Variants in TRAPPC8 observed in about 807,000 individuals in gnomAD.
The protein encoded by TRAPPC8 is trafficking protein particle complex subunit 8, also known as general sporulation gene 1 homolog.
A neutral mutation model predicts 174.3 loss-of-function variants in TRAPPC8; 54 were observed. The observed-to-expected ratio is 0.31, with a 90% CI of 0.25 to 0.39. The LOEUF is 0.39. TRAPPC8 is among the 10% of genes least tolerant of loss of function. The probability of loss-of-function intolerance (pLI) is 1.00; values close to 1 mark genes in which losing one functional copy is unlikely to be tolerated. For missense variants in TRAPPC8, 1,531 were observed against 1,699.1 expected, an observed-to-expected ratio of 0.90 and a Z score of 1.74; for synonymous variants, 630 against 579.9, an observed-to-expected ratio of 1.09 and a Z score of -1.24.
At chr18:31,932,158 G>A (rs1463810360) in intron 1 of TRAPPC8, among the ~76,000 whole-genome samples, 1 of 151,994 alleles carries the variant, frequency 6.6e-6, no homozygotes, top group African/African-American at 2.4e-5. Context: ...GGCCAGGCGC[G>A]GTGGCTCACG....
At chr18:31,891,003 A>C in intron 11 of TRAPPC8, 137 bp from the exon 12 acceptor site, 1 of 686,290 alleles carries the variant, frequency 1.5e-6, no homozygotes, top group Non-Finnish European at 2.1e-6. Context: ...GGCAAAGATC[A>C]AGGGGAAAAC....
intron 4 of TRAPPC8, among the ~76,000 whole-genome samples, chr18:31,914,707 G>C (rs1027448021): frequency 1.3e-5 from 2 of 152,132 alleles, no homozygotes; most frequent in Non-Finnish European, 2.9e-5. Flanking sequence ...TAAGGCATCA[G>C]AATAGTTTCA....
intron 16 of TRAPPC8, among the ~76,000 whole-genome samples, chr18:31,868,679 T>C (rs957309846): frequency 1.3e-5 from 2 of 152,072 alleles, no homozygotes; most frequent in Non-Finnish European, 2.9e-5. Context: ...TATTTATTTA[T>C]TTATTTTTTA....
rs1288031714 is a variant in TRAPPC8 at position 31,830,517 on chromosome 18, G to A, written c.*238C>T. 1 of 493,612 alleles carries A rather than the reference G, an allele frequency of 2.0e-6. No individual in the cohort carries two copies. Among genetic ancestry groups the A allele is most frequent in the East Asian group, 3.4e-5 (1 of 29,292 alleles). 30.6% of individuals were successfully genotyped at this position (493,612 alleles called of 1,614,324 possible). On this transcript the variant is annotated 3_prime_UTR_variant, in exon 29 of 29. Coordinates refer to ENST00000283351, the MANE Select transcript of TRAPPC8 (RefSeq NM_014939.5). Reference sequence around the variant, plus strand: ...GCTTAATAAGGTGCACAAATATGCTGATATCCTGTATTATGAGCATGTAAA... The same window carrying A: ...GCTTAATAAGGTGCACAAATATGCTAATATCCTGTATTATGAGCATGTAAA...
At chr18:31,856,226 T>A (rs2034003242) in intron 20 of TRAPPC8, among the ~76,000 whole-genome samples, 1 of 152,082 alleles carries the variant, frequency 6.6e-6, no homozygotes, top group Non-Finnish European at 1.5e-5. Context: ...CCTGCCTCAG[T>A]CTCTGAGTAG....
rs145630659 is a variant in TRAPPC8, at chr18:31,886,884, G to A, written c.1728+3851C>T. Among the ~76,000 whole-genome samples the A allele has an allele frequency of 4.4e-3, 664 of 152,268 alleles. 7 individuals are homozygous for A. Among genetic ancestry groups the A allele is most frequent in the South Asian group, 0.032 (153 of 4,824 alleles). ...TAGTCCCAGCTACTCAGGAGGCCGA[G>A]GCAGGAGAATCACTTGAACCCGGGA... On this transcript the variant is annotated intron_variant, in intron 12 of 28. Transcript: ENST00000283351.
rs2032815012 is a variant in TRAPPC8, at chr18:31,837,434, C to T, written c.3983+1878G>A. Among the ~76,000 whole-genome samples, 4 of 152,174 alleles carry T rather than the reference C, an allele frequency of 2.6e-5. No individual in the cohort carries two copies. The South Asian group carries it at 6.2e-4, about 24-fold the overall frequency. ...TTCTATGGCTGAGCGTGGTGGCTCA[C>T]GCCTGTGATCCCAGCACTTTGGGAG... On this transcript the variant is annotated intron_variant, in intron 27 of 28. Transcript: ENST00000283351.
Position 31,830,737 on chromosome 18 carries a change from G to C in TRAPPC8, c.*18C>G. Reference sequence around the variant, plus strand: ...CAAAAACTGATTATTGTGGATTTCAGTACAAATTTCCAAGTTGTCACACAT... The same window carrying C: ...CAAAAACTGATTATTGTGGATTTCACTACAAATTTCCAAGTTGTCACACAT... On this transcript the variant is annotated 3_prime_UTR_variant, in exon 29 of 29. Transcript: ENST00000283351. 3.1e-6 allele frequency: 5 copies of C among 1,601,738 alleles called. No homozygotes were observed. Among genetic ancestry groups the C allele is most frequent in the Non-Finnish European group, 4.3e-6 (5 of 1,170,856 alleles).
chr18:31,903,014 C>A (rs1451048173), intron 9 of TRAPPC8, among the ~76,000 whole-genome samples: 2 of 150,490 alleles, frequency 1.3e-5, no homozygotes, highest in Non-Finnish European at 3.0e-5. Context: ...CGTGCCACTG[C>A]ACTCCAGCCT....
In TRAPPC8 at chr18:31,856,807, CTT is replaced by C. The variant is rs79712667; in HGVS notation, c.3188+731_3188+732del. On this transcript the variant is annotated intron_variant, in intron 20 of 28. Transcript: ENST00000283351. ...TCCCTTGATATTCAAATGCTAAAAT[CTT>C]TTTTTTTTTTTTTTTTTTTTGAGAC... Among the ~76,000 whole-genome samples the C allele has an allele frequency of 4.8e-3, 530 of 109,886 alleles. 4 individuals carry two copies. Among genetic ancestry groups the C allele is most frequent in the African/African-American group, 0.02 (499 of 24,822 alleles). 72.1% of individuals were successfully genotyped at this position (109,886 alleles called of 152,430 possible).
intron 1 of TRAPPC8, among the ~76,000 whole-genome samples, chr18:31,936,985 G>C (rs1434410896): frequency 6.6e-6 from 1 of 151,688 alleles, no homozygotes; most frequent in Non-Finnish European, 1.5e-5. Context: ...GGCCAAGGCG[G>C]GTGGATCACG....
chr18:31,870,944 G>T lies in TRAPPC8; in HGVS notation c.2239C>A (p.Pro747Thr). ...LNSYSDNSRF[P>T]LAVVEEPITV... is the part of the protein sequence containing the mutation. ...ATATCACCTTCTACAACTGCAAGTGGAAATCTTGAATTATCTGAGTAACTG... is the reference window on the plus strand; with the variant it reads ...ATATCACCTTCTACAACTGCAAGTGTAAATCTTGAATTATCTGAGTAACTG... Residue 747 changes from proline to threonine, a missense_variant, in exon 15 of 29, where the codon CCA (proline) becomes ACA (threonine). By Grantham distance (38) the Pro-to-Thr change is conservative. Coordinates refer to ENST00000283351, the MANE Select transcript of TRAPPC8 (RefSeq NM_014939.5). 1 of 1,566,546 alleles carries T rather than the reference G, an allele frequency of 6.4e-7. No individual in the cohort carries two copies. The highest frequency in any genetic ancestry group is 8.7e-7 in the Non-Finnish European group (1 of 1,152,026).
At chr18:31,849,317 GC>G (rs1290454705) in intron 25 of TRAPPC8, among the ~76,000 whole-genome samples, 1 of 151,888 alleles carries the variant, frequency 6.6e-6, no homozygotes, top group Non-Finnish European at 1.5e-5. Flanking sequence ...AATACCACCT[GC>G]TTTCAGAGCT....
At chr18:31,878,958 A>G (rs992027210) in intron 12 of TRAPPC8, among the ~76,000 whole-genome samples, 1 of 152,214 alleles carries the variant, frequency 6.6e-6, no homozygotes, top group African/African-American at 2.4e-5. Context: ...ACTCAATACC[A>G]GAGCATCCAA....
intron 2 of TRAPPC8, among the ~76,000 whole-genome samples, chr18:31,919,143 T>A (rs2037267874): frequency 2.0e-5 from 3 of 152,170 alleles, no homozygotes. Context: ...ATATATTACA[T>A]ATAGTCTGAT....
At chr18:31,839,138 T>C (rs1307170262) in intron 27 of TRAPPC8, among the ~76,000 whole-genome samples, 174 bp downstream of exon 27, 1 of 152,206 alleles carries the variant, frequency 6.6e-6, no homozygotes, top group Non-Finnish European at 1.5e-5. Flanking sequence ...ACTTAATAAA[T>C]CTTTAACTGA....
At chr18:31,856,750 A>T (rs1015425969) in intron 20 of TRAPPC8, among the ~76,000 whole-genome samples, 23 of 151,778 alleles carry the variant, frequency 1.5e-4, no homozygotes, top group African/African-American at 5.6e-4. Flanking sequence ...GCCGCTCCCT[A>T]GAATAATACC....
intron 12 of TRAPPC8, among the ~76,000 whole-genome samples, chr18:31,876,504 A>AAAAAAAAAAAAAAAAAAAAAAAAAT (rs2035158807): frequency 6.7e-6 from 1 of 149,900 alleles, no homozygotes; most frequent in Non-Finnish European, 1.5e-5. Flanking sequence ...AAAAAAAAAA[A>AAAAAAAAAAAAAAAAAAAAAAAAAT]AAAAAAAAGA....
At chr18:31,919,328 T>C (rs991831258) in intron 2 of TRAPPC8, among the ~76,000 whole-genome samples, 2 of 151,644 alleles carry the variant, frequency 1.3e-5, no homozygotes, top group Non-Finnish European at 2.9e-5. Context: ...AGGTCAGGAG[T>C]TCGAGACCAG....
Sources: allele counts gnomAD v4.1 joint callset (sites outside exome capture counted in the v4.1 genomes callset), GRCh38; gene constraint gnomAD v4.1.1; transcripts MANE v1.5; gene names NCBI Gene and HGNC (gene_info 2026-07-23, HGNC 2026-07-21).